TCERG1L: variants seen among roughly 807,000 people sequenced by gnomAD.
TCERG1L encodes the protein transcription elongation regulator 1-like protein.
In TCERG1L, 37 loss-of-function variants were observed where a neutral mutation model predicts 56.3. The ratio of observed to expected loss-of-function variants is 0.66; its 90% CI spans 0.51 to 0.87. TCERG1L has a LOEUF of 0.87. Among genes scored for constraint, TCERG1L ranks in the 40% least tolerant of loss-of-function variants. The pLI, the probability that TCERG1L is intolerant of heterozygous loss-of-function variation, is 0.00. For synonymous variants in TCERG1L, 324 were observed against 326.3 expected, an observed-to-expected ratio of 0.99 and a Z score of 0.08; for missense variants, 799 against 774.2, an observed-to-expected ratio of 1.03 and a Z score of -0.38.
chr10:131,212,954 C>T (rs1845632985), intron 4 of TCERG1L, among the ~76,000 whole-genome samples: 1 of 152,252 alleles, frequency 6.6e-6, no homozygotes, highest in South Asian at 2.1e-4. Context: ...GCTCCTCCCA[C>T]AGCTGCGGAT....
At chr10:131,164,301 A>C (rs1846008948) in intron 5 of TCERG1L, among the ~76,000 whole-genome samples, 1 of 152,188 alleles carries the variant, frequency 6.6e-6, no homozygotes, top group African/African-American at 2.4e-5. Context: ...TTGAGATTTA[A>C]AAATATGGCC....
chr10:131,120,170 T>TGA (rs1378997990), intron 8 of TCERG1L, among the ~76,000 whole-genome samples: 1 of 152,116 alleles, frequency 6.6e-6, no homozygotes, highest in Non-Finnish European at 1.5e-5. Context: ...TGTGTGTGTG[T>TGA]GAGCTTGTGT....
intron 6 of TCERG1L, among the ~76,000 whole-genome samples, chr10:131,152,619 T>C (rs1206985937): frequency 6.6e-6 from 1 of 152,242 alleles, no homozygotes; most frequent in Non-Finnish European, 1.5e-5. Context: ...CCTCTTCTGC[T>C]ACCCATTTCC....
intron 4 of TCERG1L, among the ~76,000 whole-genome samples, chr10:131,245,316 C>A (rs1013519260): frequency 2.0e-5 from 3 of 152,210 alleles, no homozygotes; most frequent in Non-Finnish European, 4.4e-5. Flanking sequence ...CGTGGCCAGG[C>A]CTACCTCTTT....
At chr10:131,297,423 ACT>A (rs1846710487) in intron 3 of TCERG1L, among the ~76,000 whole-genome samples, 1 of 151,770 alleles carries the variant, frequency 6.6e-6, no homozygotes, top group African/African-American at 2.4e-5. Context: ...AAAATAAAAA[ACT>A]CTCTTGGTCA....
At chr10:131,143,722 T>G (rs1845763864) in intron 7 of TCERG1L, among the ~76,000 whole-genome samples, 1 of 152,036 alleles carries the variant, frequency 6.6e-6, no homozygotes, top group Non-Finnish European at 1.5e-5. Context: ...AACTGAAGTG[T>G]TGGTAAGATC....
chr10:131,279,097 T>C (rs1011401064), intron 3 of TCERG1L, among the ~76,000 whole-genome samples: 3 of 152,162 alleles, frequency 2.0e-5, no homozygotes, highest in Non-Finnish European at 4.4e-5. Flanking sequence ...CACAGCTGCG[T>C]GTGCCCCTCA....
chr10:131,263,647 C>A (rs948842780), intron 3 of TCERG1L, among the ~76,000 whole-genome samples: 1 of 152,208 alleles, frequency 6.6e-6, no homozygotes, highest in African/African-American at 2.4e-5. Flanking sequence ...TAGATAACGA[C>A]GACATAAACA....
In TCERG1L at chr10:131,113,679, C is replaced by T. The variant is rs541616694; in HGVS notation, c.1395+3120G>A. ...CCACCACAGTGCCAGCCAGGGTCCC[C>T]GAGGCTGGGCATTGCTGGGAAGCTG... On this transcript the variant is annotated intron_variant, in intron 9 of 11. Coordinates refer to ENST00000368642, the MANE Select transcript of TCERG1L (RefSeq NM_174937.4). Among the ~76,000 whole-genome samples, 154 of 141,786 alleles carry T rather than the reference C, an allele frequency of 1.1e-3. 13 individuals carry two copies. Among genetic ancestry groups the T allele is most frequent in the African/African-American group, 3.6e-3 (145 of 40,332 alleles). The allele number at this position is 141,786 out of a possible 152,430, so 93.0% of individuals were successfully genotyped here. A position where few individuals can be genotyped will look rare whatever the true frequency, so the allele number is the denominator to read the frequency against.
At chr10:131,123,263 G>A (rs187080798) in intron 8 of TCERG1L, among the ~76,000 whole-genome samples, 2 of 152,302 alleles carry the variant, frequency 1.3e-5, no homozygotes, top group East Asian at 3.9e-4. Flanking sequence ...CACCAAGTAA[G>A]TAAATTGGGT....
chr10:131,249,767 C>T lies in TCERG1L; in HGVS notation c.856+10492G>A, dbSNP rs187791746. The stretch of plus-strand genomic sequence containing the variant: ...TACGACGGCCACACTCGCTGGCTCA[C>T]GCATTACTGGCTTGCTTAACCTGAG... On this transcript the variant is annotated intron_variant, in intron 4 of 11. Transcript: ENST00000368642. Among the ~76,000 whole-genome samples the T allele has an allele frequency of 1.0e-3, 154 of 152,304 alleles. 1 individual carries two copies. Among genetic ancestry groups the T allele is most frequent in the African/African-American group, 2.9e-3 (120 of 41,566 alleles).
At chr10:131,253,829 C>T (rs1846138942) in intron 4 of TCERG1L, among the ~76,000 whole-genome samples, 1 of 152,074 alleles carries the variant, frequency 6.6e-6, no homozygotes, top group Non-Finnish European at 1.5e-5. Flanking sequence ...AAGAATTGTT[C>T]CTGGCACCAG....
chr10:131,248,931 TGC>T (rs2133530353), intron 4 of TCERG1L, among the ~76,000 whole-genome samples: 1 of 152,274 alleles, frequency 6.6e-6, no homozygotes, highest in African/African-American at 2.4e-5. Context: ...CCTGGAATGG[TGC>T]CCTAGGCCGC....
At chr10:131,097,497 A>G (rs1327394624) in intron 11 of TCERG1L, among the ~76,000 whole-genome samples, 1 of 151,960 alleles carries the variant, frequency 6.6e-6, no homozygotes, top group Non-Finnish European at 1.5e-5. Context: ...ACAGGCACCC[A>G]CCACCACGCC....
rs71009957 is a variant in TCERG1L at position 131,291,401 on chromosome 10, C to CTTTTTTTTTTTTTTTTTTT, written c.670+16791_670+16809dup. On this transcript the variant is annotated intron_variant, in intron 3 of 11. Coordinates refer to ENST00000368642, the MANE Select transcript of TCERG1L (RefSeq NM_174937.4). ...TGTGTATATTCCATAAACAGCATTT[C>CTTTTTTTTTTTTTTTTTTT]TTTTTTTTTTTTTTTTTTTTTTTTT... Among the ~76,000 whole-genome samples, 29 of 36,596 alleles carry CTTTTTTTTTTTTTTTTTTT rather than the reference C, an allele frequency of 7.9e-4. 9 individuals are homozygous for CTTTTTTTTTTTTTTTTTTT. Among genetic ancestry groups the CTTTTTTTTTTTTTTTTTTT allele is most frequent in the East Asian group, 2.2e-3 (2 of 910 alleles). 24.0% of individuals were successfully genotyped at this position (36,596 alleles called of 152,430 possible). A position where few individuals can be genotyped will look rare whatever the true frequency, so the allele number is the denominator to read the frequency against.
intron 3 of TCERG1L, among the ~76,000 whole-genome samples, chr10:131,292,264 T>C (rs976333042): frequency 6.6e-6 from 1 of 152,234 alleles, no homozygotes; most frequent in African/African-American, 2.4e-5. Context: ...TAAATGGCTG[T>C]TACATTTGCA....
chr10:131,267,399 G>A lies in TCERG1L; in HGVS notation c.671-6955C>T, dbSNP rs1364574449. Among the ~76,000 whole-genome samples, 2 of 152,166 alleles carry A rather than the reference G, an allele frequency of 1.3e-5. No homozygotes were observed. Among genetic ancestry groups the A allele is most frequent in the South Asian group, 2.1e-4 (1 of 4,826 alleles). On this transcript the variant is annotated intron_variant, in intron 3 of 11. Coordinates refer to ENST00000368642, the MANE Select transcript of TCERG1L (RefSeq NM_174937.4). The surrounding 1 kb of genome is among the most constrained non-coding windows in gnomAD (Gnocchi z 4.9). ...CCCAAGCCTAAGCCCTGAGAGCATC[G>A]GGAGGCCCAGGCCCACAGCTGCAAC...
rs548022823 is a variant in TCERG1L, at chr10:131,134,130, G to C, written c.1259+249C>G. Among the ~76,000 whole-genome samples the C allele has an allele frequency of 2.6e-5, 4 of 152,278 alleles. 1 individual carries two copies. Among genetic ancestry groups the C allele is most frequent in the Non-Finnish European group, 4.4e-5 (3 of 68,028 alleles). On this transcript the variant is annotated intron_variant, in intron 8 of 11. Coordinates refer to ENST00000368642, the MANE Select transcript of TCERG1L (RefSeq NM_174937.4). ...GAAACACAGCAGGGCTGAGCATGTGGGCGCCTGGGTAGGCTGGGGGTGGCA... is the reference window on the plus strand; with the variant it reads ...GAAACACAGCAGGGCTGAGCATGTGCGCGCCTGGGTAGGCTGGGGGTGGCA...
Position 131,309,298 on chromosome 10 carries a change from C to G in TCERG1L, c.344G>C (p.Trp115Ser). 1 of 1,589,078 alleles carries G rather than the reference C, an allele frequency of 6.3e-7. No individual in the cohort carries two copies. Among genetic ancestry groups the G allele is most frequent in the African/African-American group, 1.4e-5 (1 of 72,894 alleles). The change falls in exon 2 of 12, where the codon TGG becomes TCG. Residue 115 changes from tryptophan to serine, a missense_variant and splice_region_variant. Transcript: ENST00000368642. ...AHPFPALHGQ[W>S]LFGGHSPSLG... ...GGACGGAGAATGGCCACCAAACAGC[C>G]ACTGCAAGCCAAGCAAGAAAAGACA...
Sources: gnomAD v4.1 joint callset for allele counts (sites outside exome capture counted in the v4.1 genomes callset) on GRCh38, gnomAD v4.1.1 for gene constraint, Gnocchi (gnomAD v3.1) non-coding constraint, MANE v1.5 for transcripts, NCBI Gene and HGNC (gene_info 2026-07-23, HGNC 2026-07-21) for gene names.